Variants in UBE2H observed in about 807,000 individuals in gnomAD.
UBE2H encodes the protein ubiquitin conjugating enzyme E2 H.
UBE2H carries 3 observed loss-of-function variants against 29.0 expected under a neutral mutation model. The ratio of observed to expected loss-of-function variants is 0.10; its 90% confidence interval spans 0.05 to 0.27. The LOEUF (loss-of-function observed/expected upper bound fraction) is 0.27, where lower values mean the gene tolerates loss of function less well. UBE2H is among the 10% of genes least tolerant of loss of function. UBE2H has a pLI of 1.00. For missense variants in UBE2H, 68 were observed against 228.2 expected (o/e 0.30, Z 4.52); for synonymous variants, 69 against 82.9 (o/e 0.83, Z 0.91).
chr7:129,944,319 A>G (rs1486215045), intron 1 of UBE2H, among the ~76,000 whole-genome samples: 6 of 152,192 alleles, frequency 3.9e-5, no homozygotes, highest in South Asian at 4.1e-4. Context: ...TCGCGCCACT[A>G]CACTCAGCCT....
At chr7:129,911,138 G>A (rs540969720) in intron 1 of UBE2H, among the ~76,000 whole-genome samples, 2 of 152,250 alleles carry the variant, frequency 1.3e-5, no homozygotes, top group East Asian at 1.9e-4. Context: ...GCCAAGGCGC[G>A]CAGATCACAG....
intron 1 of UBE2H, among the ~76,000 whole-genome samples, chr7:129,951,967 G>C (rs34926272): frequency 0.061 from 9,347 of 152,158 alleles, 1,044 homozygotes; most frequent in East Asian, 0.48. Context: ...TAGAAGAGGG[G>C]GCCCTGAGCA....
At chr7:129,913,918 C>A (rs1806991182) in intron 1 of UBE2H, among the ~76,000 whole-genome samples, 2 of 152,116 alleles carry the variant, frequency 1.3e-5, no homozygotes, top group Admixed American at 1.3e-4. Flanking sequence ...ACTTTTGTTA[C>A]CGACATGGAA....
At chr7:129,838,916 C>T (rs1229015051) in intron 6 of UBE2H, among the ~76,000 whole-genome samples, 2 of 152,166 alleles carry the variant, frequency 1.3e-5, no homozygotes, top group African/African-American at 4.8e-5. Context: ...GGATTACAGG[C>T]GTGAGCCACC....
chr7:129,936,836 G>A (rs1807540219), intron 1 of UBE2H, among the ~76,000 whole-genome samples: 2 of 149,822 alleles, frequency 1.3e-5, no homozygotes, highest in Non-Finnish European at 3.0e-5. Flanking sequence ...AAGTTAGCCA[G>A]GTGTGGTGGC....
At chr7:129,844,453 C>T (rs78323950) in intron 5 of UBE2H, among the ~76,000 whole-genome samples, 9,691 of 152,260 alleles carry the variant, frequency 0.064, 373 homozygotes, top group Non-Finnish European at 0.092. Flanking sequence ...ATAAAGAACA[C>T]TTTTTCCCTA....
At chr7:129,867,218 A>G (rs986219655) in intron 3 of UBE2H, among the ~76,000 whole-genome samples, 4 of 152,158 alleles carry the variant, frequency 2.6e-5, no homozygotes, top group African/African-American at 9.7e-5. Flanking sequence ...CCCCATATTT[A>G]TTATTAAGAA....
At chr7:129,860,075 A>G (rs1805772923) in intron 3 of UBE2H, among the ~76,000 whole-genome samples, 1 of 152,232 alleles carries the variant, frequency 6.6e-6, no homozygotes, top group South Asian at 2.1e-4. Context: ...TAAAATGGGA[A>G]GAGTCAGGAA....
intron 1 of UBE2H, among the ~76,000 whole-genome samples, chr7:129,925,921 C>T (rs1473288742): frequency 1.3e-5 from 2 of 152,194 alleles, no homozygotes. Flanking sequence ...TACATTATTC[C>T]AGAACTGTTA....
intron 6 of UBE2H, among the ~76,000 whole-genome samples, chr7:129,835,517 T>A (rs1428875320): frequency 3.3e-5 from 5 of 152,208 alleles, no homozygotes; most frequent in African/African-American, 1.2e-4. Context: ...GGAATCGATT[T>A]TAGTCTAAAC....
chr7:129,868,230 G>A (rs1030157708), intron 3 of UBE2H, among the ~76,000 whole-genome samples: 1 of 152,192 alleles, frequency 6.6e-6, no homozygotes, highest in African/African-American at 2.4e-5. Flanking sequence ...TGTGATGGAA[G>A]TTTTAAATAG....
intron 6 of UBE2H, 71 bp from the exon 7 acceptor site, chr7:129,835,132 C>G: frequency 1.2e-6 from 2 of 1,603,452 alleles, no homozygotes; most frequent in Non-Finnish European, 1.7e-6. Context: ...CCCCAAAAAG[C>G]TGGCAAGGCT....
chr7:129,933,543 A>G (rs1355689721), intron 1 of UBE2H, among the ~76,000 whole-genome samples: 1 of 152,242 alleles, frequency 6.6e-6, no homozygotes, highest in Non-Finnish European at 1.5e-5. Flanking sequence ...ACGGCATTGA[A>G]TAACCTATAA....
At chr7:129,922,911 CTTTTTTTTG>C (rs1807193268) in intron 1 of UBE2H, among the ~76,000 whole-genome samples, 1 of 150,868 alleles carries the variant, frequency 6.6e-6, no homozygotes, top group African/African-American at 2.4e-5. Flanking sequence ...TCTTTTTTTT[CTTTTTTTTG>C]AGAAGGAGTC....
intron 1 of UBE2H, among the ~76,000 whole-genome samples, chr7:129,913,270 A>AG (rs1255385563): frequency 2.6e-5 from 4 of 151,840 alleles, no homozygotes; most frequent in African/African-American, 9.7e-5. Context: ...AAAAAAAAAA[A>AG]AGAGTACAGC....
chr7:129,833,073 A>C lies in UBE2H; in HGVS notation c.*1864T>G, dbSNP rs1351716432. ...ATGGATAACTCAGTACGGTTAACTA[A>C]CCACAGCCCTACATCACTGCACTTT... On this transcript the variant is annotated 3_prime_UTR_variant, in exon 7 of 7. Coordinates refer to ENST00000355621, the MANE Select transcript of UBE2H (RefSeq NM_003344.4). 6.6e-6 allele frequency: 1 copy of C among 152,468 alleles called. No homozygotes were observed. Among genetic ancestry groups the C allele is most frequent in the Non-Finnish European group, 1.5e-5 (1 of 68,026 alleles). 9.4% of individuals were successfully genotyped at this position (152,468 alleles called of 1,614,324 possible). A position where few individuals can be genotyped will look rare whatever the true frequency, so the allele number is the denominator to read the frequency against.
Position 129,952,902 on chromosome 7 carries a change from G to A in UBE2H, c.-347C>T, listed in dbSNP as rs1229316337. The stretch of plus-strand genomic sequence containing the variant: ...CTCACCCTCTGACCGGCTCCTAGCA[G>A]CCTCCACTATAAGCGGACGACTCCT... On this transcript the variant is annotated 5_prime_UTR_variant, in exon 1 of 7. Coordinates refer to ENST00000355621, the MANE Select transcript of UBE2H (RefSeq NM_003344.4). 2 of 184,686 alleles carry A rather than the reference G, an allele frequency of 1.1e-5. No individual in the cohort carries two copies. Among genetic ancestry groups the A allele is most frequent in the Non-Finnish European group, 2.2e-5 (2 of 89,642 alleles). The allele number at this position is 184,686 out of a possible 1,614,324, so 11.4% of individuals were successfully genotyped here.
Position 129,901,522 on chromosome 7 carries a change from G to A in UBE2H, c.54-20551C>T, listed in dbSNP as rs114521969. Among the ~76,000 whole-genome samples the A allele has an allele frequency of 3.0e-3, 451 of 152,300 alleles. 3 individuals carry two copies. Among genetic ancestry groups the A allele is most frequent in the African/African-American group, 0.01 (435 of 41,568 alleles). Reference sequence around the variant, plus strand: ...GCTGGAGGGGAAGCCACATTTCAACGAGATTTTGAAGAACTGGATGACTAA... The same window carrying A: ...GCTGGAGGGGAAGCCACATTTCAACAAGATTTTGAAGAACTGGATGACTAA... On this transcript the variant is annotated intron_variant, in intron 1 of 6. Transcript: ENST00000355621.
chr7:129,918,369 T>G (rs1233048541), intron 1 of UBE2H, among the ~76,000 whole-genome samples: 1 of 151,894 alleles, frequency 6.6e-6, no homozygotes, highest in Middle Eastern at 3.2e-3. Context: ...ATTCTTTTTT[T>G]TTTTTTTTTG....
Sources: allele counts gnomAD v4.1 joint callset (sites outside exome capture counted in the v4.1 genomes callset), GRCh38; gene constraint gnomAD v4.1.1; transcripts MANE v1.5; gene names NCBI Gene and HGNC (gene_info 2026-07-23, HGNC 2026-07-21).